OTOP1: variants seen among roughly 807,000 people sequenced by gnomAD.
The protein encoded by OTOP1 is otopetrin 1.
Under a neutral mutation model 52.9 loss-of-function variants are expected in OTOP1, and 59 were observed. That is an observed-to-expected ratio of 1.12 (90% CI 0.91 to 1.39). The LOEUF is 1.39. Among genes scored for constraint, OTOP1 ranks in the 40% most tolerant of loss-of-function variants. The probability of loss-of-function intolerance (pLI) is 0.00; values close to 1 mark genes in which losing one functional copy is unlikely to be tolerated. For synonymous variants in OTOP1, 317 were observed against 337.7 expected (o/e 0.94, Z 0.67); for missense variants, 761 against 800.9 (o/e 0.95, Z 0.60).
intron 2 of OTOP1, among the ~76,000 whole-genome samples, chr4:4,210,159 G>A (rs886101629): frequency 6.6e-6 from 1 of 152,142 alleles, no homozygotes; most frequent in African/African-American, 2.4e-5. Flanking sequence ...CCCATGCTGA[G>A]AACAATATTC....
At chr4:4,215,671 T>C (rs1464881534) in intron 1 of OTOP1, among the ~76,000 whole-genome samples, 4 of 138,236 alleles carry the variant, frequency 2.9e-5, no homozygotes, top group Non-Finnish European at 6.2e-5. Flanking sequence ...AAAAAATATA[T>C]ATATTAATAT....
At chr4:4,218,132 CT>C (rs1303272115) in intron 1 of OTOP1, among the ~76,000 whole-genome samples, 13 of 152,194 alleles carry the variant, frequency 8.5e-5, no homozygotes, top group African/African-American at 3.1e-4. Context: ...TGGCTCATAC[CT>C]GTAATCCCAG....
At chr4:4,190,104 C>T (rs193291319) in intron 5 of OTOP1, among the ~76,000 whole-genome samples, 161 of 152,338 alleles carry the variant, frequency 1.1e-3, no homozygotes, top group Non-Finnish European at 2.0e-3. Flanking sequence ...ATACAGAACA[C>T]TCCCTGGTAT....
intron 5 of OTOP1, 127 bp downstream of exon 5, chr4:4,197,039 C>A: frequency 1.9e-6 from 2 of 1,026,338 alleles, no homozygotes; most frequent in African/African-American, 1.6e-5. Flanking sequence ...GTGATGGGAT[C>A]ATTTGTGCAC....
chr4:4,197,464 T>A lies in OTOP1; in HGVS notation c.1370A>T (p.Asp457Val), dbSNP rs1292311278. 1.2e-6 allele frequency: 2 copies of A among 1,613,768 alleles called. No homozygotes were observed. Among genetic ancestry groups the A allele is most frequent in the Non-Finnish European group, 1.7e-6 (2 of 1,179,970 alleles). ...TGTGACCACCCGAAGGGTTTGGATG[T>A]CCTCAGAGAGTTTTTCAGGCTCTCG... is the stretch of plus-strand genomic sequence containing the variant. Reference protein sequence around the residue: ...IHREPEKLSEDIQTLRVVTVC... With the variant: ...IHREPEKLSEVIQTLRVVTVC... The change falls in exon 5 of 6, where the codon GAC becomes GTC. Residue 457 changes from aspartate (D) to valine (V), a missense_variant. Physicochemically the swap from Asp to Val is radical, Grantham distance 152. Transcript: ENST00000296358.
At chr4:4,190,448 T>G (rs1462678766) in intron 5 of OTOP1, among the ~76,000 whole-genome samples, 1 of 152,214 alleles carries the variant, frequency 6.6e-6, no homozygotes, top group Non-Finnish European at 1.5e-5. Flanking sequence ...CACTCCAGCC[T>G]GGGCAAACAG....
chr4:4,201,469 T>TACACACACACACAC (rs564159690), intron 4 of OTOP1, among the ~76,000 whole-genome samples: 124 of 137,722 alleles, frequency 9.0e-4, no homozygotes, highest in African/African-American at 3.0e-3. Context: ...AATATATATA[T>TACACACACACACAC]ATACACACAC....
intron 1 of OTOP1, among the ~76,000 whole-genome samples, chr4:4,216,574 C>T (rs192698037): frequency 6.6e-6 from 1 of 152,338 alleles, no homozygotes; most frequent in East Asian, 1.9e-4. Flanking sequence ...TTTTCCACTG[C>T]TCAAAGCCTT....
At position 4,219,696 on chromosome 4, in the gene OTOP1, C is replaced by CA. The variant is rs71169623; in HGVS notation, c.404-6693dup. Among the ~76,000 whole-genome samples the CA allele has an allele frequency of 5.7e-3, 706 of 124,880 alleles. 17 individuals are homozygous for CA. The highest frequency in any genetic ancestry group is 0.018 in the African/African-American group (545 of 31,034). 81.9% of individuals were successfully genotyped at this position (124,880 alleles called of 152,430 possible). On this transcript the variant is annotated intron_variant, in intron 1 of 5. Coordinates refer to ENST00000296358, the MANE Select transcript of OTOP1 (RefSeq NM_177998.3). ...TGGGCGACAGAGCGAGACTCTGTCT[C>CA]AAAAAAAAAAAAAGACATACTGTAT...
At chr4:4,225,583 A>AAAAAAAG (rs1717411264) in intron 1 of OTOP1, among the ~76,000 whole-genome samples, 2 of 150,868 alleles carry the variant, frequency 1.3e-5, no homozygotes, top group African/African-American at 2.4e-5. Flanking sequence ...AAAAAAAAAA[A>AAAAAAAG]TGTGGCAGCC....
At chr4:4,209,298 T>A (rs1302932720) in intron 2 of OTOP1, among the ~76,000 whole-genome samples, 4 of 152,290 alleles carry the variant, frequency 2.6e-5, no homozygotes, top group African/African-American at 7.2e-5. Context: ...CTCTGTTTTT[T>A]AGAACAGTGC....
chr4:4,198,929 C>T (rs2108797873), intron 4 of OTOP1, among the ~76,000 whole-genome samples: 1 of 152,256 alleles, frequency 6.6e-6, no homozygotes, highest in Middle Eastern at 3.4e-3. Flanking sequence ...GGTGACTCAG[C>T]CCTGTAATCC....
chr4:4,224,115 G>A lies in OTOP1; in HGVS notation c.403+2347C>T, dbSNP rs564873014. Among the ~76,000 whole-genome samples, 20 of 152,094 alleles carry A rather than the reference G, an allele frequency of 1.3e-4. No individual in the cohort carries two copies. The East Asian group carries it at 2.7e-3, about 21-fold the overall frequency. Reference sequence around the variant, plus strand: ...TGTAATCCCAGCACTTTGGGAGGCTGAGGCAGGCAGATCACGAGGTCAGGA... The same window carrying A: ...TGTAATCCCAGCACTTTGGGAGGCTAAGGCAGGCAGATCACGAGGTCAGGA... On this transcript the variant is annotated intron_variant, in intron 1 of 5. Transcript: ENST00000296358.
rs367826459 is a variant in OTOP1, at chr4:4,212,510, G to A, written c.540+358C>T. On this transcript the variant is annotated intron_variant, in intron 2 of 5. Coordinates refer to ENST00000296358, the MANE Select transcript of OTOP1 (RefSeq NM_177998.3). ...CAGACTAAACCACTGAATTGCACAC[G>A]TTAAATGGGTGAATTATACGCCACG... Among the ~76,000 whole-genome samples, 76 of 152,266 alleles carry A rather than the reference G, an allele frequency of 5.0e-4. 3 individuals carry two copies. In the South Asian group the frequency reaches 0.013, roughly 27 times the overall value.
intron 5 of OTOP1, among the ~76,000 whole-genome samples, chr4:4,193,579 A>G (rs558408109): frequency 6.6e-6 from 1 of 152,238 alleles, no homozygotes; most frequent in South Asian, 2.1e-4. Flanking sequence ...CCACCCCATG[A>G]GCCAGCACGG....
intron 1 of OTOP1, among the ~76,000 whole-genome samples, chr4:4,219,427 C>T (rs886794595): frequency 1.8e-4 from 28 of 152,084 alleles, no homozygotes; most frequent in Admixed American, 1.0e-3. Context: ...GATTGCCGGG[C>T]GCGGTGGCTC....
chr4:4,200,552 T>C (rs1716760871), intron 4 of OTOP1, among the ~76,000 whole-genome samples: 1 of 150,818 alleles, frequency 6.6e-6, no homozygotes, highest in South Asian at 2.1e-4. Context: ...ATTTTCTTTT[T>C]CTTTTTTTTT....
At chr4:4,200,809 C>G (rs1322883364) in intron 4 of OTOP1, among the ~76,000 whole-genome samples, 1 of 150,742 alleles carries the variant, frequency 6.6e-6, no homozygotes, top group African/African-American at 2.4e-5. Context: ...GCTCCAGCCT[C>G]GGGATTACAA....
At chr4:4,203,263 G>A (rs1202021726) in intron 3 of OTOP1, among the ~76,000 whole-genome samples, 8 of 152,234 alleles carry the variant, frequency 5.3e-5, no homozygotes, top group Admixed American at 2.6e-4. Flanking sequence ...CTGGAGTTGT[G>A]GTGGCCATCT....
Sources: gnomAD v4.1 joint callset for allele counts (sites outside exome capture counted in the v4.1 genomes callset) on GRCh38, gnomAD v4.1.1 for gene constraint, MANE v1.5 for transcripts, NCBI Gene and HGNC (gene_info 2026-07-23, HGNC 2026-07-21) for gene names.